Variants in ACAD10 observed in about 807,000 individuals in gnomAD.
The protein encoded by ACAD10 is acyl-CoA dehydrogenase family member 10, also known as ACAD-10.
A neutral mutation model predicts 116.8 loss-of-function variants in ACAD10; 112 were observed. The observed-to-expected ratio is 0.96, with a 90% CI of 0.82 to 1.12. The LOEUF (loss-of-function observed/expected upper bound fraction) is 1.12, where lower values mean the gene tolerates loss of function less well. ACAD10 is among the 50% of genes most tolerant of loss of function. The pLI is 0.00. For missense variants in ACAD10, 1,259 were observed against 1,350.2 expected (o/e 0.93, Z 1.06); for synonymous variants, 486 against 510.6 (o/e 0.95, Z 0.65).
At position 111,749,285 on chromosome 12, in the gene ACAD10, C is replaced by T. The variant is rs1566169115; in HGVS notation, c.2757C>T (p.Ile919=). The part of the protein sequence containing the change: ...IAQGRLGPGR[I]HHCMRLIGFS... ...AGGGCAGACTGGGCCCCGGCAGGATCCATCACTGCATGAGGCTGATCGGGT... is the reference window on the plus strand; with the variant it reads ...AGGGCAGACTGGGCCCCGGCAGGATTCATCACTGCATGAGGCTGATCGGGT... Residue 919 remains isoleucine (I), a synonymous_variant, in exon 18 of 21, where the codon ATC becomes ATT. Coordinates refer to ENST00000313698, the MANE Select transcript of ACAD10 (RefSeq NM_025247.6). 3.1e-6 allele frequency: 5 copies of T among 1,613,932 alleles called. No homozygotes were observed. The South Asian group carries it at 4.4e-5, about 14-fold the overall frequency.
At chr12:111,708,012 C>A (rs1466112868) in intron 4 of ACAD10, among the ~76,000 whole-genome samples, 1 of 152,214 alleles carries the variant, frequency 6.6e-6, no homozygotes, top group Non-Finnish European at 1.5e-5. Context: ...CCATGCTTTT[C>A]TCTTATCAGA....
At chr12:111,722,263 C>T (rs1162448576) in intron 8 of ACAD10, among the ~76,000 whole-genome samples, 1 of 152,164 alleles carries the variant, frequency 6.6e-6, no homozygotes, top group Non-Finnish European at 1.5e-5. Flanking sequence ...AGGGTTTCGC[C>T]ATGTTGGCCA....
At chr12:111,724,475 G>A (rs71465813) in intron 8 of ACAD10, among the ~76,000 whole-genome samples, 1 of 152,210 alleles carries the variant, frequency 6.6e-6, no homozygotes, top group Non-Finnish European at 1.5e-5. Context: ...GGAGGTTGTA[G>A]CGAGCCAAGA....
intron 18 of ACAD10, among the ~76,000 whole-genome samples, chr12:111,751,114 T>G (rs1056434715): frequency 4.6e-5 from 7 of 151,896 alleles, no homozygotes; most frequent in African/African-American, 1.7e-4. Flanking sequence ...TTGGTTGGAG[T>G]AATTAGGAAT....
intron 7 of ACAD10, among the ~76,000 whole-genome samples, chr12:111,718,972 G>T (rs1888931298): frequency 6.6e-6 from 1 of 151,904 alleles, no homozygotes. Context: ...AAGTGTGGTG[G>T]TGCACACCTA....
At position 111,756,974 on chromosome 12, in the gene ACAD10, C is replaced by T. The variant is rs1250797734; in HGVS notation, c.*501C>T. ...GCGCCTGGGAAAATGGAATGCAACC[C>T]ACATTGTAAAGCCACTGGCATCTGA... On this transcript the variant is annotated 3_prime_UTR_variant, in exon 21 of 21. Transcript: ENST00000313698. 168 of 437,660 alleles carry T rather than the reference C, an allele frequency of 3.8e-4. No individual in the cohort carries two copies. The highest frequency in any genetic ancestry group is 8.8e-5 in the Non-Finnish European group (19 of 216,380). 27.1% of individuals were successfully genotyped at this position (437,660 alleles called of 1,614,324 possible). A position where few individuals can be genotyped will look rare whatever the true frequency, so the allele number is the denominator to read the frequency against.
intron 5 of ACAD10, chr12:111,710,213 C>A: frequency 2.3e-6 from 1 of 440,112 alleles, no homozygotes; most frequent in Non-Finnish European, 4.5e-6. Context: ...CCTCAGTCTC[C>A]TGAGTAGCTG....
In ACAD10 at chr12:111,748,035, A is replaced by G. The variant is rs569378654; in HGVS notation, c.2486-282A>G. On this transcript the variant is annotated intron_variant, in intron 16 of 20. Transcript: ENST00000313698. The stretch of plus-strand genomic sequence containing the variant: ...GGAGCCGAGCCAGCTGGCAGGGATC[A>G]AGTAGCGGTTTTCATCCTCTTGTCT... Among the ~76,000 whole-genome samples the G allele has an allele frequency of 8.5e-5, 13 of 152,324 alleles. No individual in the cohort carries two copies. In the South Asian group the frequency reaches 2.7e-3, roughly 32 times the overall value.
intron 1 of ACAD10, among the ~76,000 whole-genome samples, chr12:111,687,550 G>T (rs922615889): frequency 1.2e-4 from 18 of 152,146 alleles, no homozygotes; most frequent in African/African-American, 4.3e-4. Flanking sequence ...ATGTGAAAGT[G>T]CATAAACCAT....
At chr12:111,695,179 T>C (rs146866011) in intron 2 of ACAD10, among the ~76,000 whole-genome samples, 1 of 152,354 alleles carries the variant, frequency 6.6e-6, no homozygotes, top group Non-Finnish European at 1.5e-5. Flanking sequence ...TTTCCTGCTA[T>C]GGACTACCTG....
intron 11 of ACAD10, among the ~76,000 whole-genome samples, chr12:111,736,312 T>C (rs1377404576): frequency 6.7e-6 from 1 of 149,198 alleles, no homozygotes; most frequent in African/African-American, 2.5e-5. Flanking sequence ...TCAGCCTCCC[T>C]CCCAGGTAGC....
chr12:111,704,630 C>T (rs904323594), intron 3 of ACAD10, among the ~76,000 whole-genome samples: 8 of 151,424 alleles, frequency 5.3e-5, no homozygotes, highest in Admixed American at 3.3e-4. Flanking sequence ...AGCAGACTTG[C>T]CTTTGCAGAT....
chr12:111,689,942 C>G (rs1452232762), intron 1 of ACAD10, among the ~76,000 whole-genome samples: 1 of 152,164 alleles, frequency 6.6e-6, no homozygotes, highest in Non-Finnish European at 1.5e-5. Context: ...GTCTCAATCT[C>G]CTGACTTTGT....
chr12:111,729,258 A>G (rs988083429), intron 9 of ACAD10, among the ~76,000 whole-genome samples: 2 of 151,624 alleles, frequency 1.3e-5, no homozygotes, highest in African/African-American at 4.8e-5. Flanking sequence ...TTTTTTTGAG[A>G]TGGAGTTTTG....
chr12:111,700,061 G>GT (rs1233753918), intron 2 of ACAD10, among the ~76,000 whole-genome samples: 1 of 152,048 alleles, frequency 6.6e-6, no homozygotes, highest in African/African-American at 2.4e-5. Flanking sequence ...CTTTATTTAC[G>GT]AAAATAGGTA....
intron 1 of ACAD10, among the ~76,000 whole-genome samples, chr12:111,692,208 T>C (rs1888067539): frequency 6.6e-6 from 1 of 152,224 alleles, no homozygotes; most frequent in South Asian, 2.1e-4. Flanking sequence ...CCTCAGGTGA[T>C]CCACCCGCCT....
chr12:111,725,777 C>A (rs1163523561), intron 8 of ACAD10, among the ~76,000 whole-genome samples: 2 of 151,808 alleles, frequency 1.3e-5, no homozygotes, highest in African/African-American at 4.8e-5. Flanking sequence ...TCAAGTGATC[C>A]ATCCGCCTCG....
At chr12:111,693,786 G>A (rs924278685) in intron 2 of ACAD10, among the ~76,000 whole-genome samples, 10 of 152,016 alleles carry the variant, frequency 6.6e-5, no homozygotes, top group African/African-American at 9.7e-5. Flanking sequence ...AGTTAAAGTC[G>A]TTTTGGCTTC....
At chr12:111,686,844 TGA>T (rs778287829) in intron 1 of ACAD10, among the ~76,000 whole-genome samples, 2 of 152,168 alleles carry the variant, frequency 1.3e-5, no homozygotes, top group Non-Finnish European at 2.9e-5. Flanking sequence ...TTGGGATGCT[TGA>T]GATACGTTGG....
Sources: gnomAD v4.1 joint callset for allele counts (sites outside exome capture counted in the v4.1 genomes callset) on GRCh38, gnomAD v4.1.1 for gene constraint, MANE v1.5 for transcripts, NCBI Gene and HGNC (gene_info 2026-07-23, HGNC 2026-07-21) for gene names.